TRRAP: variants seen among roughly 807,000 people sequenced by gnomAD.
TRRAP encodes transformation/transcription domain associated protein.
Under a neutral mutation model 438.8 loss-of-function variants are expected in TRRAP, and 41 were observed. The ratio of observed to expected loss-of-function variants is 0.09; its 90% CI spans 0.07 to 0.12. The LOEUF is 0.12. TRRAP is among the 10% of genes least tolerant of loss of function. The pLI is 1.00. For missense variants in TRRAP, 3,122 were observed against 5,055.1 expected (o/e 0.62, Z 11.60); for synonymous variants, 1,994 against 1,962.9 (o/e 1.02, Z -0.42).
intron 21 of TRRAP, among the ~76,000 whole-genome samples, chr7:98,924,093 A>G (rs1789926565): frequency 6.6e-6 from 1 of 152,244 alleles, no homozygotes; most frequent in African/African-American, 2.4e-5. Flanking sequence ...CTTTGCAGAA[A>G]GTTCATTATT....
intron 43 of TRRAP, among the ~76,000 whole-genome samples, chr7:98,957,599 C>T (rs1791677628): frequency 6.6e-6 from 1 of 152,184 alleles, no homozygotes; most frequent in Non-Finnish European, 1.5e-5. Flanking sequence ...TCCCTCTGCT[C>T]TCAATGCACC....
chr7:98,990,115 C>G (rs1793331043), intron 63 of TRRAP, among the ~76,000 whole-genome samples: 1 of 152,132 alleles, frequency 6.6e-6, no homozygotes. Context: ...GTAGTCCCAG[C>G]TACTGGGGAG....
At chr7:98,937,007 C>T in intron 28 of TRRAP, 149 bp from the exon 29 acceptor site, 1 of 1,002,824 alleles carries the variant, frequency 1.0e-6, no homozygotes, top group Non-Finnish European at 1.3e-6. Context: ...GCAGGAGAAT[C>T]CCTTGAGGCC....
chr7:98,981,793 A>G lies in TRRAP; in HGVS notation c.8659A>G (p.Met2887Val), dbSNP rs1463784065. The change falls in exon 59 of 73, where the codon ATG becomes GTG. Residue 2887 changes from methionine to valine, a missense_variant. Around this residue, in one of 24 missense-constraint regions of TRRAP, gnomAD observed 992 missense variants for 1,281.2 expected, o/e 0.77. Coordinates refer to ENST00000456197, the MANE Select transcript of TRRAP (RefSeq NM_001375524.1). ...VQVEVSCPKE[M>V]AWKVNMYRGY... is the part of the protein sequence containing the mutation. ...GGTGGAAGTGAGCTGTCCGAAGGAGATGGCCTGGAAGGTGAACATGTACCG... is the reference window on the plus strand; with the variant it reads ...GGTGGAAGTGAGCTGTCCGAAGGAGGTGGCCTGGAAGGTGAACATGTACCG... 3 of 1,605,464 alleles carry G rather than the reference A, an allele frequency of 1.9e-6. No individual in the cohort carries two copies. Among genetic ancestry groups the G allele is most frequent in the Non-Finnish European group, 2.5e-6 (3 of 1,176,524 alleles).
Position 98,937,283 on chromosome 7 carries a change from T to TGTGTGTGCGTGC in TRRAP, c.4233+11_4233+22dup, listed in dbSNP as rs139606125. 0.015 allele frequency: 23,867 copies of TGTGTGTGCGTGC among 1,609,650 alleles called. 230 individuals carry two copies. Among genetic ancestry groups the TGTGTGTGCGTGC allele is most frequent in the Non-Finnish European group, 0.018 (21,118 of 1,178,096 alleles). ...GAGAAGCCTGTATGAGAAAGGTGAGTGTGTGTGCGTGCGTGTATGCGCACG... is the reference window on the plus strand; with the variant it reads ...GAGAAGCCTGTATGAGAAAGGTGAGTGTGTGTGCGTGCGTGTGTGCGTGCGTGTATGCGCACG... On this transcript the variant is annotated splice_region_variant and intron_variant, in intron 29 of 72. Coordinates refer to ENST00000456197, the MANE Select transcript of TRRAP (RefSeq NM_001375524.1).
chr7:98,997,483 C>CAAAAAAAAAAAAAAAAAAAAAA (rs61132070), intron 67 of TRRAP, among the ~76,000 whole-genome samples: 1 of 42,620 alleles, frequency 2.3e-5, no homozygotes, highest in African/African-American at 8.5e-5. Flanking sequence ...ACTGCTGTTG[C>CAAAAAAAAAAAAAAAAAAAAAA]AAAAAAAAAA....
chr7:98,956,159 T>C lies in TRRAP; in HGVS notation c.5951T>C (p.Val1984Ala), dbSNP rs782742310. The change falls in exon 42 of 73, where the codon GTA (valine) becomes GCA (alanine). Residue 1984 changes from valine (V) to alanine (A), a missense_variant. Val to Ala is a moderately conservative substitution (Grantham distance 64, BLOSUM62 0). Transcript: ENST00000456197. The surrounding 1 kb of genome is among the most constrained non-coding windows in gnomAD (Gnocchi z 4.5). ...IVQHFKVYYP[V>A]RHHLVQHMVS... is the part of the protein sequence containing the mutation. Reference sequence around the variant, plus strand: ...CTGCGTCCGCAGGTGTACTACCCGGTACGGCACCACTTGGTGCAGCACATG... The same window carrying C: ...CTGCGTCCGCAGGTGTACTACCCGGCACGGCACCACTTGGTGCAGCACATG... 6.2e-7 allele frequency: 1 copy of C among 1,612,080 alleles called. No homozygotes were observed. The highest frequency in any genetic ancestry group is 8.5e-7 in the Non-Finnish European group (1 of 1,179,890).
At chr7:98,893,659 A>G (rs943113458) in intron 5 of TRRAP, 139 bp from the exon 6 acceptor site, 6 of 765,732 alleles carry the variant, frequency 7.8e-6, no homozygotes, top group Admixed American at 5.2e-5. Flanking sequence ...GTCTGGGACA[A>G]CTGTGTTCTG....
At chr7:98,938,400 A>G (rs558840663) in intron 30 of TRRAP, among the ~76,000 whole-genome samples, 16 of 152,248 alleles carry the variant, frequency 1.1e-4, no homozygotes, top group African/African-American at 3.6e-4. Flanking sequence ...GTGTAAAAGG[A>G]TGTACTGCAG....
At chr7:98,992,590 T>TA in intron 65 of TRRAP, among the ~76,000 whole-genome samples, 1 of 142,954 alleles carries the variant, frequency 7.0e-6, no homozygotes, top group Non-Finnish European at 1.5e-5. Flanking sequence ...TGTGTGTGTT[T>TA]AAGTTATGAG....
At chr7:98,963,794 A>G (rs1272145456) in intron 47 of TRRAP, among the ~76,000 whole-genome samples, 4 of 152,174 alleles carry the variant, frequency 2.6e-5, no homozygotes, top group Non-Finnish European at 5.9e-5. Context: ...AAATTTAACG[A>G]GTAGGGCCAG....
intron 20 of TRRAP, among the ~76,000 whole-genome samples, chr7:98,919,178 G>A (rs545291673): frequency 9.6e-4 from 146 of 152,266 alleles, no homozygotes; most frequent in African/African-American, 3.4e-3. Flanking sequence ...AGATGATGGA[G>A]GCTCAGTTAC....
At position 98,983,261 on chromosome 7, in the gene TRRAP, C is replaced by T; in HGVS notation, c.8827-3C>T. 1 of 1,609,584 alleles carries T rather than the reference C, an allele frequency of 6.2e-7. No homozygotes were observed. The highest frequency in any genetic ancestry group is 2.2e-5 in the East Asian group (1 of 44,810). On this transcript the variant is annotated splice_region_variant and splice_polypyrimidine_tract_variant and intron_variant, in intron 59 of 72. Coordinates refer to ENST00000456197, the MANE Select transcript of TRRAP (RefSeq NM_001375524.1). ...GCAGAGTCTCTTATGCTGGTCCCAT[C>T]AGGCAGCCCAGCAAATCATCGAACT...
chr7:98,879,068 G>T (rs545227321), intron 1 of TRRAP, among the ~76,000 whole-genome samples: 11 of 152,306 alleles, frequency 7.2e-5, no homozygotes, highest in African/African-American at 2.2e-4. Context: ...TAGGCCCGGC[G>T]CGGGGAGCGA....
intron 62 of TRRAP, among the ~76,000 whole-genome samples, chr7:98,987,804 G>A (rs986957693): frequency 6.6e-6 from 1 of 152,230 alleles, no homozygotes; most frequent in Non-Finnish European, 1.5e-5. Context: ...GATGTTAGCT[G>A]TGGGTGTTCT....
chr7:99,013,039 G>A lies in TRRAP; in HGVS notation c.*684G>A, dbSNP rs1794491280. 1 of 152,226 alleles carries A rather than the reference G, an allele frequency of 6.6e-6. No homozygotes were observed. Among genetic ancestry groups the A allele is most frequent in the South Asian group, 2.1e-4 (1 of 4,836 alleles). The allele number at this position is 152,226 out of a possible 1,614,324, so 9.4% of individuals were successfully genotyped here. The stretch of plus-strand genomic sequence containing the variant: ...GCTTTTTATTTCTGGCTCTTCGGAT[G>A]TCTTCTAGACATTTACTATCACTGC... On this transcript the variant is annotated 3_prime_UTR_variant, in exon 73 of 73. Transcript: ENST00000456197.
Position 98,948,298 on chromosome 7 carries a change from G to T in TRRAP, c.4626G>T (p.Leu1542Phe). The part of the protein sequence containing the change: ...PAAPQTLVKP[L>F]LEVVMKTERA... ...CTCCTCAGACACTGGTGAAGCCTTT[G>T]CTAGAGGTTGTCATGAAAACGGAGC... The change falls in exon 34 of 73, where the codon TTG becomes TTT. Residue 1542 changes from leucine (L) to phenylalanine (F), a missense_variant. Coordinates refer to ENST00000456197, the MANE Select transcript of TRRAP (RefSeq NM_001375524.1). This position sits in a 1 kb window ranked among gnomAD's most constrained non-coding sequence, Gnocchi z 4.9. The T allele has an allele frequency of 6.2e-7, 1 of 1,614,206 alleles. No homozygotes were observed. The highest frequency in any genetic ancestry group is 8.5e-7 in the Non-Finnish European group (1 of 1,180,036).
rs77909641 is a variant in TRRAP at position 98,950,872 on chromosome 7, G to T, written c.5335-4G>T. The T allele has an allele frequency of 6.6e-7, 1 of 1,519,456 alleles. No individual in the cohort carries two copies. Among genetic ancestry groups the T allele is most frequent in the Non-Finnish European group, 8.8e-7 (1 of 1,137,568 alleles). 94.1% of individuals were successfully genotyped at this position (1,519,456 alleles called of 1,614,324 possible). On this transcript the variant is annotated splice_region_variant and splice_polypyrimidine_tract_variant and intron_variant, in intron 38 of 72. Coordinates refer to ENST00000456197, the MANE Select transcript of TRRAP (RefSeq NM_001375524.1). Reference sequence around the variant, plus strand: ...CTCCTTCTTTATTTAAATTTTTTTTGTAGGTTCTGCAGCATATCTTGAATC... The same window carrying T: ...CTCCTTCTTTATTTAAATTTTTTTTTTAGGTTCTGCAGCATATCTTGAATC...
At chr7:98,964,539 A>C (rs148436277) in intron 47 of TRRAP, 90 bp from the exon 48 acceptor site, 18,495 of 1,474,834 alleles carry the variant, frequency 0.013, 155 homozygotes, top group Non-Finnish European at 0.015. Context: ...CTTTTGTCAG[A>C]ATACATTGTT....
Sources: gnomAD v4.1 joint callset for allele counts (sites outside exome capture counted in the v4.1 genomes callset) on GRCh38, gnomAD v4.1.1 for gene constraint, gnomAD v4.1.1 regional missense constraint, Gnocchi (gnomAD v3.1) non-coding constraint, MANE v1.5 for transcripts, NCBI Gene and HGNC (gene_info 2026-07-23, HGNC 2026-07-21) for gene names.